Variants in NBAS observed in about 807,000 individuals in gnomAD.
NBAS encodes the protein NAG/BC035112 fusion.
Under a neutral mutation model 302.5 loss-of-function variants are expected in NBAS, and 219 were observed. The observed-to-expected ratio is 0.72, with a 90% CI of 0.65 to 0.81. NBAS has a LOEUF of 0.81. Ranked by LOEUF, NBAS falls within the 30% of genes least tolerant of loss-of-function variation. The probability of loss-of-function intolerance (pLI) is 0.00; values close to 1 mark genes in which losing one functional copy is unlikely to be tolerated. For synonymous variants in NBAS, 1,118 were observed against 1,021.6 expected (o/e 1.09, Z -1.80); for missense variants, 2,932 against 2,841.6 (o/e 1.03, Z -0.72).
chr2:14,779,631 T>C, the NBAS span, among the ~76,000 whole-genome samples: 1 of 152,190 alleles, frequency 6.6e-6, no homozygotes, highest in Non-Finnish European at 1.5e-5. Context: ...TCTCACCTTA[T>C]CAGCGCTTCC....
intron 8 of NBAS, among the ~76,000 whole-genome samples, chr2:15,535,009 A>C (rs181946563): frequency 4.7e-4 from 72 of 152,356 alleles, no homozygotes; most frequent in Non-Finnish European, 9.4e-4. Flanking sequence ...TGGATTTCTA[A>C]AATCATGAGC....
At chr2:15,412,100 T>C (rs568007491) in intron 25 of NBAS, among the ~76,000 whole-genome samples, 6 of 152,268 alleles carry the variant, frequency 3.9e-5, no homozygotes, top group African/African-American at 1.4e-4. Flanking sequence ...TCAAGTGTAA[T>C]GGTAGCACTA....
intron 41 of NBAS, among the ~76,000 whole-genome samples, chr2:15,291,838 C>A (rs1348221547): frequency 6.6e-6 from 1 of 152,002 alleles, no homozygotes. Flanking sequence ...AAATTTCCAT[C>A]CTGAGCTTCC....
At chr2:15,509,287 T>C (rs535817375) in intron 10 of NBAS, among the ~76,000 whole-genome samples, 4 of 152,328 alleles carry the variant, frequency 2.6e-5, no homozygotes, top group South Asian at 2.1e-4. Flanking sequence ...TTATGCTCTA[T>C]GGTGCCTTAG....
At chr2:15,365,060 G>A (rs1448057748) in intron 32 of NBAS, among the ~76,000 whole-genome samples, 2 of 152,260 alleles carry the variant, frequency 1.3e-5, no homozygotes, top group East Asian at 3.9e-4. Context: ...CATGCACTAT[G>A]ATCACATCCT....
chr2:15,486,653 C>T (rs1680641112), intron 12 of NBAS, among the ~76,000 whole-genome samples: 1 of 152,174 alleles, frequency 6.6e-6, no homozygotes, highest in African/African-American at 2.4e-5. Flanking sequence ...CCTTTCCTGT[C>T]CCATTACTTT....
intron 10 of NBAS, among the ~76,000 whole-genome samples, chr2:15,509,113 T>A (rs1007331329): frequency 1.3e-5 from 2 of 152,208 alleles, no homozygotes; most frequent in African/African-American, 4.8e-5. Flanking sequence ...TGAACTAATG[T>A]GTCTAATATG....
At chr2:14,789,507 A>T in the NBAS span, among the ~76,000 whole-genome samples, 1 of 152,180 alleles carries the variant, frequency 6.6e-6, no homozygotes, top group Admixed American at 6.6e-5. Context: ...TAAAACTCTG[A>T]TATTTTAGGG....
chr2:14,888,833 G>T, the NBAS span, among the ~76,000 whole-genome samples: 1 of 152,150 alleles, frequency 6.6e-6, no homozygotes, highest in Non-Finnish European at 1.5e-5. Flanking sequence ...CAGTTTTAAG[G>T]TCAGATGTCA....
At chr2:15,330,902 C>A in intron 35 of NBAS, 137 bp from the exon 36 acceptor site, 1 of 929,580 alleles carries the variant, frequency 1.1e-6, no homozygotes, top group South Asian at 1.8e-5. Flanking sequence ...TCCAACTTTG[C>A]TTGTAACAAA....
chr2:15,270,266 G>A (rs1019441315), intron 44 of NBAS, among the ~76,000 whole-genome samples: 4 of 152,172 alleles, frequency 2.6e-5, no homozygotes, highest in Non-Finnish European at 4.4e-5. Context: ...CCTGGTTCAA[G>A]TGATTCTCCT....
chr2:14,894,717 T>C, the NBAS span, among the ~76,000 whole-genome samples: 1 of 152,182 alleles, frequency 6.6e-6, no homozygotes, highest in South Asian at 2.1e-4. Flanking sequence ...AAGTCCTTAA[T>C]TCCACAGCAG....
chr2:14,909,987 G>T, the NBAS span, among the ~76,000 whole-genome samples: 2 of 152,200 alleles, frequency 1.3e-5, no homozygotes, highest in Non-Finnish European at 2.9e-5. Context: ...TTAAAAACAG[G>T]TGCATTTGCC....
At chr2:14,919,021 G>A in the NBAS span, among the ~76,000 whole-genome samples, 1 of 152,018 alleles carries the variant, frequency 6.6e-6, no homozygotes, top group East Asian at 1.9e-4. Context: ...CTGGGGAGAT[G>A]GCAGCACCAA....
chr2:15,096,399 C>T, the NBAS span, among the ~76,000 whole-genome samples: 1 of 152,224 alleles, frequency 6.6e-6, no homozygotes, highest in Non-Finnish European at 1.5e-5. Flanking sequence ...ACAATGCCAT[C>T]ATTACTGACC....
In NBAS at chr2:15,529,092, A is replaced by G. The variant is rs554008543; in HGVS notation, c.746+5451T>C. ...ATAGAATGGACTTTCCACCTCATCA[A>G]TCTTCCTAATACCAACAACTTCTGT... is the stretch of plus-strand genomic sequence containing the variant. On this transcript the variant is annotated intron_variant, in intron 9 of 51. Coordinates refer to ENST00000281513, the MANE Select transcript of NBAS (RefSeq NM_015909.4). Among the ~76,000 whole-genome samples, 5 of 152,132 alleles carry G rather than the reference A, an allele frequency of 3.3e-5. No homozygotes were observed. The East Asian group carries it at 7.7e-4, about 24-fold the overall frequency.
chr2:15,152,398 C>CT, the NBAS span, among the ~76,000 whole-genome samples: 4 of 152,344 alleles, frequency 2.6e-5, no homozygotes, highest in African/African-American at 9.6e-5. Context: ...TGCCTCTACA[C>CT]TTTGAATTCC....
At chr2:15,244,455 C>A (rs1460856576) in intron 44 of NBAS, among the ~76,000 whole-genome samples, 1 of 152,168 alleles carries the variant, frequency 6.6e-6, no homozygotes, top group African/African-American at 2.4e-5. Context: ...CCCTTACCTA[C>A]CCCACAGTAG....
chr2:14,888,299 T>C, the NBAS span, among the ~76,000 whole-genome samples: 1 of 152,028 alleles, frequency 6.6e-6, no homozygotes, highest in East Asian at 1.9e-4. Context: ...CCCGGCTAAT[T>C]TTTGTATTTT....
Sources: allele counts gnomAD v4.1 joint callset (sites outside exome capture counted in the v4.1 genomes callset), GRCh38; gene constraint gnomAD v4.1.1; transcripts MANE v1.5; gene names NCBI Gene and HGNC (gene_info 2026-07-23, HGNC 2026-07-21).